The following TM7SF3 variants were observed in gnomAD, a reference collection of about 807,000 sequenced individuals.
The protein encoded by TM7SF3 is transmembrane 7 superfamily member 3.
A neutral mutation model predicts 65.5 loss-of-function variants in TM7SF3; 60 were observed. The observed-to-expected ratio is 0.92, with a 90% CI of 0.74 to 1.14. The LOEUF (loss-of-function observed/expected upper bound fraction) is 1.14. Among genes scored for constraint, TM7SF3 ranks in the 50% most tolerant of loss-of-function variants. TM7SF3 has a pLI of 0.00. For synonymous variants in TM7SF3, 264 were observed against 259.6 expected, an observed-to-expected ratio of 1.02 and a Z score of -0.16; for missense variants, 623 against 684.8, an observed-to-expected ratio of 0.91 and a Z score of 1.01.
rs1435742966 is a variant in TM7SF3 at position 26,990,840 on chromosome 12, G to GT, written c.691-214dup. 5.3e-5 allele frequency among the ~76,000 whole-genome samples: 8 copies of GT among 152,026 alleles called. No individual in the cohort carries two copies. The East Asian group carries it at 1.3e-3, about 26-fold the overall frequency. On this transcript the variant is annotated intron_variant, in intron 5 of 11. Transcript: ENST00000343028. Reference sequence around the variant, plus strand: ...GCTCTCACACAAAATGCTTCCAAAGGTTTTTTTTAATAGTTTAAGGAAAAT... The same window carrying GT: ...GCTCTCACACAAAATGCTTCCAAAGGTTTTTTTTTAATAGTTTAAGGAAAAT...
chr12:26,979,684 A>G, intron 9 of TM7SF3, 100 bp downstream of exon 9: 1 of 1,340,086 alleles, frequency 7.5e-7, no homozygotes, highest in Admixed American at 2.1e-5. Context: ...ACTCCACAGG[A>G]GAAGCACTGA....
At chr12:26,990,125 G>A (rs921221075) in intron 6 of TM7SF3, among the ~76,000 whole-genome samples, 3 of 152,080 alleles carry the variant, frequency 2.0e-5, no homozygotes, top group African/African-American at 7.2e-5. Flanking sequence ...GGACTGCCCT[G>A]GCCATGCTAT....
chr12:27,011,786 C>T lies in TM7SF3; in HGVS notation c.91+2292G>A, dbSNP rs79503857. ...CCTCTTCTGCACAGAATGACAATACCAATGCAAGGCAAAAAGAATAACATT... is the reference window on the plus strand; with the variant it reads ...CCTCTTCTGCACAGAATGACAATACTAATGCAAGGCAAAAAGAATAACATT... On this transcript the variant is annotated intron_variant, in intron 1 of 11. Transcript: ENST00000343028. Among the ~76,000 whole-genome samples, 1,169 of 152,126 alleles carry T rather than the reference C, an allele frequency of 7.7e-3. 9 individuals are homozygous for T. Among genetic ancestry groups the T allele is most frequent in the Non-Finnish European group, 0.01 (680 of 67,998 alleles).
intron 7 of TM7SF3, among the ~76,000 whole-genome samples, chr12:26,981,384 T>G (rs1251153579): frequency 6.6e-6 from 1 of 152,116 alleles, no homozygotes; most frequent in African/African-American, 2.4e-5. Context: ...TCTCAGCTAC[T>G]TGGGAGGCTG....
At position 26,979,917 on chromosome 12, in the gene TM7SF3, A is replaced by G; in HGVS notation, c.1056T>C (p.Ala352=). 6.2e-7 allele frequency: 1 copy of G among 1,614,180 alleles called. No homozygotes were observed. The highest frequency in any genetic ancestry group is 1.1e-5 in the South Asian group (1 of 91,078). ...ACATTCCACCGACGCTTCCAGTGAC[A>G]GCTGTCAGAATCAGATTCACTGTAC... ...IKYDVNLILT[A]VTGSVGGMFL... is the part of the protein sequence containing the mutation. The change falls in exon 9 of 12, where the codon GCT becomes GCC. Residue 352 remains alanine (A), a synonymous_variant. Coordinates refer to ENST00000343028, the MANE Select transcript of TM7SF3 (RefSeq NM_016551.3).
At chr12:26,985,117 G>C (rs181998484) in intron 6 of TM7SF3, among the ~76,000 whole-genome samples, 1 of 152,290 alleles carries the variant, frequency 6.6e-6, no homozygotes, top group Admixed American at 6.5e-5. Flanking sequence ...AGACAGGCCT[G>C]GGGGCCTTTC....
intron 11 of TM7SF3, 44 bp from the exon 12 acceptor site, chr12:26,974,271 A>G (rs996679515): frequency 6.4e-7 from 1 of 1,572,194 alleles, no homozygotes; most frequent in African/African-American, 1.4e-5. Context: ...CTAGTATTTT[A>G]AAATCTAACA....
At chr12:26,996,408 A>G (rs1940599713) in intron 4 of TM7SF3, among the ~76,000 whole-genome samples, 1 of 152,210 alleles carries the variant, frequency 6.6e-6, no homozygotes. Context: ...AATTAAAACA[A>G]TGAATCTTTA....
Position 26,973,927 on chromosome 12 carries a change from C to T in TM7SF3, c.*38G>A, listed in dbSNP as rs1939458383. On this transcript the variant is annotated 3_prime_UTR_variant, in exon 12 of 12. Transcript: ENST00000343028. ...ACTGTTGAACCACTCCAGGCATGAA[C>T]TCCAAAGCTGAGGCACACTGACCAA... The T allele has an allele frequency of 6.2e-7, 1 of 1,603,850 alleles. No homozygotes were observed.
intron 9 of TM7SF3, chr12:26,979,408 G>A (rs776942979): frequency 3.7e-5 from 7 of 189,274 alleles, no homozygotes; most frequent in Admixed American, 1.1e-4. Flanking sequence ...GTTTGGCAGC[G>A]GATGGGAGTG....
At chr12:26,993,897 C>CT (rs1940480969) in intron 5 of TM7SF3, among the ~76,000 whole-genome samples, 1 of 152,166 alleles carries the variant, frequency 6.6e-6, no homozygotes, top group South Asian at 2.1e-4. Flanking sequence ...GTGGTGGCAA[C>CT]TGAGGAAGGT....
In TM7SF3 at chr12:26,979,953, G is replaced by T. The variant is rs1357321155; in HGVS notation, c.1037-17C>A. 2.5e-6 allele frequency: 4 copies of T among 1,613,950 alleles called. No homozygotes were observed. The highest frequency in any genetic ancestry group is 3.4e-6 in the Non-Finnish European group (4 of 1,179,954). On this transcript the variant is annotated splice_polypyrimidine_tract_variant and intron_variant, in intron 8 of 11. Transcript: ENST00000343028. ...TCAGATTCACTGTACAAAGAGAGAG[G>T]ATGAACTGCTGGATAACCGGCAGTA...
At chr12:26,994,354 G>C (rs1305171799) in intron 5 of TM7SF3, among the ~76,000 whole-genome samples, 1 of 152,162 alleles carries the variant, frequency 6.6e-6, no homozygotes, top group East Asian at 1.9e-4. Context: ...CTATTGCAGT[G>C]AGTCTCAAAA....
chr12:26,979,241 TAA>T (rs1296932920), intron 9 of TM7SF3: 1 of 152,296 alleles, frequency 6.6e-6, no homozygotes, highest in Admixed American at 6.5e-5. Flanking sequence ...TCAGGAAATG[TAA>T]GTTATTAAAC....
intron 1 of TM7SF3, among the ~76,000 whole-genome samples, chr12:27,004,987 TG>T (rs1407029673): frequency 6.6e-6 from 1 of 152,216 alleles, no homozygotes; most frequent in Non-Finnish European, 1.5e-5. Context: ...AAAGTTTGTG[TG>T]CACGTGTTTT....
intron 1 of TM7SF3, among the ~76,000 whole-genome samples, chr12:27,006,704 T>C (rs182657508): frequency 5.3e-5 from 8 of 152,362 alleles, no homozygotes; most frequent in Admixed American, 3.3e-4. Context: ...TATTTCCGCA[T>C]AGATGGAAAA....
intron 2 of TM7SF3, among the ~76,000 whole-genome samples, chr12:27,001,450 A>G (rs1940827902): frequency 6.6e-6 from 1 of 152,194 alleles, no homozygotes; most frequent in African/African-American, 2.4e-5. Flanking sequence ...ATGGAAACCA[A>G]ACACAGGGGT....
At chr12:26,997,304 T>C (rs563475856) in intron 3 of TM7SF3, among the ~76,000 whole-genome samples, 13 of 152,332 alleles carry the variant, frequency 8.5e-5, no homozygotes, top group Admixed American at 4.6e-4. Flanking sequence ...AGATCGGCTA[T>C]TGGTTGACTA....
At chr12:26,985,074 C>T (rs1019048828) in intron 6 of TM7SF3, among the ~76,000 whole-genome samples, 1 of 152,170 alleles carries the variant, frequency 6.6e-6, no homozygotes, top group East Asian at 1.9e-4. Context: ...ACAACTGGAT[C>T]AGAGCTCTCT....
Sources: allele counts gnomAD v4.1 joint callset (sites outside exome capture counted in the v4.1 genomes callset), GRCh38; gene constraint gnomAD v4.1.1; transcripts MANE v1.5; gene names NCBI Gene and HGNC (gene_info 2026-07-23, HGNC 2026-07-21).